HCFC2: variants seen among roughly 807,000 people sequenced by gnomAD.
The protein encoded by HCFC2 is host cell factor C2.
In HCFC2, 18 loss-of-function variants were observed where a neutral mutation model predicts 89.2. The observed-to-expected ratio is 0.20, with a 90% confidence interval of 0.14 to 0.30. HCFC2 has a LOEUF of 0.30. HCFC2 is among the 10% of genes least tolerant of loss of function. HCFC2 has a pLI of 1.00. For synonymous variants in HCFC2, 308 were observed against 335.7 expected (o/e 0.92, Z 0.90); for missense variants, 578 against 956.1 (o/e 0.60, Z 5.21).
chr12:104,101,783 A>G (rs980312119), intron 13 of HCFC2, among the ~76,000 whole-genome samples, 185 bp from the exon 14 acceptor site: 4 of 152,124 alleles, frequency 2.6e-5, no homozygotes, highest in African/African-American at 7.2e-5. Context: ...AGATTTATGG[A>G]CTTAGTTGCT....
intron 9 of HCFC2, chr12:104,091,071 A>G (rs958643880): frequency 3.9e-5 from 6 of 152,202 alleles, no homozygotes; most frequent in Non-Finnish European, 8.8e-5. Flanking sequence ...GAGGGAAGGT[A>G]TCTTTTTGTT....
chr12:104,091,606 T>C (rs1311881867), intron 9 of HCFC2, among the ~76,000 whole-genome samples: 1 of 152,224 alleles, frequency 6.6e-6, no homozygotes, highest in African/African-American at 2.4e-5. Flanking sequence ...TTAATGAAAA[T>C]TCTCAAGATT....
intron 3 of HCFC2, among the ~76,000 whole-genome samples, chr12:104,069,878 T>C (rs1308012431): frequency 6.6e-6 from 1 of 152,080 alleles, no homozygotes; most frequent in Non-Finnish European, 1.5e-5. Context: ...TGCCCTGGTG[T>C]GTGATGTTCC....
At chr12:104,085,898 G>A (rs1883822059) in intron 7 of HCFC2, among the ~76,000 whole-genome samples, 1 of 149,894 alleles carries the variant, frequency 6.7e-6, no homozygotes, top group Admixed American at 6.6e-5. Flanking sequence ...TATATCACAT[G>A]CATATATTGT....
At chr12:104,081,904 CAA>C (rs761929991) in intron 5 of HCFC2, among the ~76,000 whole-genome samples, 5,582 of 62,390 alleles carry the variant, frequency 0.089, 112 homozygotes, top group South Asian at 0.18. Flanking sequence ...GATCCTGTCT[CAA>C]AAAAAAAAAA....
At chr12:104,066,116 A>G in intron 1 of HCFC2, 51 bp from the exon 2 acceptor site, 1 of 1,562,652 alleles carries the variant, frequency 6.4e-7, no homozygotes, top group Non-Finnish European at 8.8e-7. Flanking sequence ...CTGATAGTAT[A>G]TGATAACCGT....
chr12:104,099,293 A>G (rs1021624447), intron 13 of HCFC2, among the ~76,000 whole-genome samples: 16 of 152,102 alleles, frequency 1.1e-4, no homozygotes, highest in African/African-American at 3.9e-4. Flanking sequence ...CTACGATCCA[A>G]TCACCTCCCA....
chr12:104,098,136 A>C (rs1434094979), intron 12 of HCFC2: 3 of 442,514 alleles, frequency 6.8e-6, no homozygotes, highest in African/African-American at 2.0e-5. Context: ...GACTTGGAGA[A>C]TGCCTGTCAC....
intron 10 of HCFC2, among the ~76,000 whole-genome samples, chr12:104,093,921 T>A (rs1191801132): frequency 6.6e-6 from 1 of 152,098 alleles, no homozygotes; most frequent in Non-Finnish European, 1.5e-5. Flanking sequence ...ACACAGAGAC[T>A]AAAGCAGTGG....
At chr12:104,096,233 A>G (rs908192668) in intron 11 of HCFC2, 127 bp from the exon 12 acceptor site, 3 of 528,330 alleles carry the variant, frequency 5.7e-6, no homozygotes, top group Non-Finnish European at 9.9e-6. Context: ...TACATGTAAC[A>G]TAAAATTTGC....
intron 12 of HCFC2, chr12:104,097,996 T>C (rs1884225596): frequency 5.8e-6 from 1 of 171,554 alleles, no homozygotes; most frequent in East Asian, 1.6e-4. Context: ...GTTGTAATGT[T>C]ACGCTAAAGG....
At chr12:104,093,775 A>AT (rs1354373585) in intron 10 of HCFC2, among the ~76,000 whole-genome samples, 8 of 30,260 alleles carry the variant, frequency 2.6e-4, no homozygotes, top group East Asian at 2.4e-3. Context: ...TAAATGAGGC[A>AT]ATTTTTTTTT....
At position 104,104,204 on chromosome 12, in the gene HCFC2, A is replaced by G. The variant is rs768622261; in HGVS notation, c.*931A>G. ...AGAAAAAAACAAGCACCTTAACAGG[A>G]CACAAGTTTTAAAATAGTGTTTTAA... On this transcript the variant is annotated 3_prime_UTR_variant, in exon 15 of 15. Transcript: ENST00000229330. 4 of 152,086 alleles carry G rather than the reference A, an allele frequency of 2.6e-5. No individual in the cohort carries two copies. The highest frequency in any genetic ancestry group is 5.9e-5 in the Non-Finnish European group (4 of 67,924). 9.4% of individuals were successfully genotyped at this position (152,086 alleles called of 1,614,324 possible).
In HCFC2 at chr12:104,066,334, G is replaced by T. The variant is rs945066623; in HGVS notation, c.312+19G>T. On this transcript the variant is annotated intron_variant, in intron 2 of 14. Coordinates refer to ENST00000229330, the MANE Select transcript of HCFC2 (RefSeq NM_013320.3). ...GTTACAAGTAAGTGTATTTAATATT[G>T]TTTCATTCTGAGGCTTTAATAATGA... The T allele has an allele frequency of 1.3e-6, 2 of 1,534,396 alleles. No individual in the cohort carries two copies. The highest frequency in any genetic ancestry group is 4.7e-5 in the East Asian group (2 of 42,248).
chr12:104,082,166 CAT>C (rs1419424097), intron 5 of HCFC2, among the ~76,000 whole-genome samples: 1 of 152,200 alleles, frequency 6.6e-6, no homozygotes, highest in Non-Finnish European at 1.5e-5. Flanking sequence ...CTTTGGATGT[CAT>C]AGATCAATTG....
At position 104,088,016 on chromosome 12, in the gene HCFC2, G is replaced by T. The variant is rs151222227; in HGVS notation, c.1262G>T (p.Ser421Ile). ...AGGATGGACCCTCACAGACAAGGCA[G>T]TAATAACATCGTTCCTAACAGTGTA... ...GVRMDPHRQG[S>I]NNIVPNSIND... Residue 421 changes from serine (S) to isoleucine (I), a missense_variant, in exon 9 of 15, where the codon AGT becomes ATT. Physicochemically the swap from Ser to Ile is moderately radical, Grantham distance 142. Around this residue, in one of 4 missense-constraint regions of HCFC2, gnomAD observed 210 missense variants for 251.7 expected, o/e 0.83. Transcript: ENST00000229330. 57 of 1,607,948 alleles carry T rather than the reference G, an allele frequency of 3.5e-5. No individual in the cohort carries two copies. In the African/African-American group the frequency reaches 7.5e-4, roughly 21 times the overall value.
chr12:104,098,321 AT>A lies in HCFC2; in HGVS notation c.1741-13del, dbSNP rs529738913. On this transcript the variant is annotated intron_variant, in intron 12 of 14. Coordinates refer to ENST00000229330, the MANE Select transcript of HCFC2 (RefSeq NM_013320.3). Reference sequence around the variant, plus strand: ...GTATATTCAATAAGAGTCTTCATAAATTTTTTTTTCTCTGAAATTAGAAAGA... The same window carrying A: ...GTATATTCAATAAGAGTCTTCATAAATTTTTTTTCTCTGAAATTAGAAAGA... The A allele has an allele frequency of 2.2e-3, 3,386 of 1,568,888 alleles. 67 individuals carry two copies. The African/African-American group carries it at 0.04, about 19-fold the overall frequency.
intron 3 of HCFC2, among the ~76,000 whole-genome samples, chr12:104,073,469 G>A (rs971288887): frequency 6.6e-6 from 1 of 151,924 alleles, no homozygotes; most frequent in Non-Finnish European, 1.5e-5. Flanking sequence ...AGCCCGCTTT[G>A]CCTTTTTTAA....
At chr12:104,077,567 T>C (rs558760002) in intron 3 of HCFC2, among the ~76,000 whole-genome samples, 2 of 149,004 alleles carry the variant, frequency 1.3e-5, no homozygotes, top group South Asian at 4.2e-4. Flanking sequence ...TTTTTTTTTT[T>C]AAACTATCTT....
Sources: gnomAD v4.1 joint callset for allele counts (sites outside exome capture counted in the v4.1 genomes callset) on GRCh38, gnomAD v4.1.1 for gene constraint, gnomAD v4.1.1 regional missense constraint, MANE v1.5 for transcripts, NCBI Gene and HGNC (gene_info 2026-07-23, HGNC 2026-07-21) for gene names.